The following NDUFAF2 variants were observed in gnomAD, a reference collection of about 807,000 sequenced individuals.
NDUFAF2 encodes the protein NADH:ubiquinone oxidoreductase complex assembly factor 2, also known as NADH dehydrogenase [ubiquinone] 1 alpha subcomplex assembly factor 2.
A neutral mutation model predicts 22.8 loss-of-function variants in NDUFAF2; 13 were observed. That is an observed-to-expected ratio of 0.57 (90% CI 0.37 to 0.91). NDUFAF2 has a LOEUF of 0.91. Among genes scored for constraint, NDUFAF2 ranks in the 40% least tolerant of loss-of-function variants. The pLI, the probability that NDUFAF2 is intolerant of heterozygous loss-of-function variation, is 0.01. For synonymous variants in NDUFAF2, 53 were observed against 64.2 expected (o/e 0.83, Z 0.84); for missense variants, 162 against 195.2 (o/e 0.83, Z 1.01).
chr5:61,061,996 T>C (rs1752170442), intron 1 of NDUFAF2, among the ~76,000 whole-genome samples: 1 of 152,184 alleles, frequency 6.6e-6, no homozygotes, highest in African/African-American at 2.4e-5. Flanking sequence ...TGTGGTGACA[T>C]AGAACCAGAG....
intron 2 of NDUFAF2, among the ~76,000 whole-genome samples, chr5:61,094,339 T>C (rs1752608471): frequency 6.6e-6 from 1 of 152,228 alleles, no homozygotes; most frequent in African/African-American, 2.4e-5. Context: ...TCTATCAGGT[T>C]GGTTACATTC....
At position 61,037,863 on chromosome 5, in the gene NDUFAF2, G is replaced by GGATTTTAGT. The variant is rs569387275; in HGVS notation, c.128-35260_128-35252dup. Among the ~76,000 whole-genome samples, 256 of 151,966 alleles carry GGATTTTAGT rather than the reference G, an allele frequency of 1.7e-3. 2 individuals are homozygous for GGATTTTAGT. The highest frequency in any genetic ancestry group is 6.0e-3 in the African/African-American group (248 of 41,444). On this transcript the variant is annotated intron_variant, in intron 1 of 3. Transcript: ENST00000296597. ...TTTTAGGGTATTATTCTGACAAGAT[G>GGATTTTAGT]GATTTTAGTGCACATGATCATTTAA...
chr5:60,993,209 C>T (rs142692510), intron 1 of NDUFAF2, among the ~76,000 whole-genome samples: 142 of 152,350 alleles, frequency 9.3e-4, no homozygotes, highest in African/African-American at 3.2e-3. Context: ...GCAGCTAGAC[C>T]ACACTGCAGG....
At chr5:60,982,795 A>G (rs1388255110) in intron 1 of NDUFAF2, among the ~76,000 whole-genome samples, 1 of 151,856 alleles carries the variant, frequency 6.6e-6, no homozygotes, top group Admixed American at 6.6e-5. Flanking sequence ...AATCCAGTCT[A>G]TCATTGTTGG....
chr5:61,107,289 G>A (rs1214785664), intron 3 of NDUFAF2, among the ~76,000 whole-genome samples: 1 of 151,292 alleles, frequency 6.6e-6, no homozygotes, highest in East Asian at 1.9e-4. Flanking sequence ...TAACTGGGGT[G>A]ACGTGATATC....
At chr5:60,990,390 T>C (rs978833570) in intron 1 of NDUFAF2, among the ~76,000 whole-genome samples, 1 of 152,176 alleles carries the variant, frequency 6.6e-6, no homozygotes, top group Admixed American at 6.5e-5. Flanking sequence ...TATCAAAATA[T>C]GTACCCCATA....
chr5:61,006,755 T>C (rs1751372018), intron 1 of NDUFAF2, among the ~76,000 whole-genome samples: 1 of 152,090 alleles, frequency 6.6e-6, no homozygotes, highest in South Asian at 2.1e-4. Flanking sequence ...ACCAGGGATG[T>C]GTCTAGAGAA....
Position 61,118,141 on chromosome 5 carries a change from A to G in NDUFAF2, c.258+19109A>G, listed in dbSNP as rs190338581. Among the ~76,000 whole-genome samples the G allele has an allele frequency of 2.0e-5, 3 of 152,186 alleles. No homozygotes were observed. The East Asian group carries it at 5.8e-4, about 29-fold the overall frequency. On this transcript the variant is annotated intron_variant, in intron 3 of 3. Coordinates refer to ENST00000296597, the MANE Select transcript of NDUFAF2 (RefSeq NM_174889.5). ...CTTCTTTCAAAATCATCTGTCTCCC[A>G]CTTTTCAGAAGAAAAGCTTACCCCT...
chr5:61,146,028 A>G (rs1741132817), intron 3 of NDUFAF2: 1 of 152,234 alleles, frequency 6.6e-6, no homozygotes. Flanking sequence ...CAGTGGTATA[A>G]AACATGGAAG....
At chr5:61,036,107 T>A (rs1160496854) in intron 1 of NDUFAF2, among the ~76,000 whole-genome samples, 1 of 152,162 alleles carries the variant, frequency 6.6e-6, no homozygotes, top group East Asian at 1.9e-4. Context: ...AAGGCTCACT[T>A]GGGATGATGT....
intron 1 of NDUFAF2, among the ~76,000 whole-genome samples, chr5:61,046,431 T>G (rs1174238234): frequency 4.6e-5 from 7 of 152,140 alleles, no homozygotes; most frequent in Admixed American, 1.3e-4. Context: ...CCTGAGCTTT[T>G]CTTTGATGGG....
At chr5:61,004,183 CTTAT>C (rs1047243049) in intron 1 of NDUFAF2, among the ~76,000 whole-genome samples, 8 of 152,052 alleles carry the variant, frequency 5.3e-5, no homozygotes, top group African/African-American at 1.7e-4. Flanking sequence ...AGTTTTCTGT[CTTAT>C]TTGTTTTTAT....
chr5:61,077,143 T>C (rs1464448203), intron 2 of NDUFAF2, among the ~76,000 whole-genome samples: 2 of 152,240 alleles, frequency 1.3e-5, no homozygotes, highest in Non-Finnish European at 2.9e-5. Context: ...AGTGGACATA[T>C]CTGTACTGGA....
chr5:60,951,927 A>C (rs1161695860), intron 1 of NDUFAF2, among the ~76,000 whole-genome samples: 1 of 151,460 alleles, frequency 6.6e-6, no homozygotes, highest in African/African-American at 2.4e-5. Flanking sequence ...CAGGCTATCT[A>C]TTTTGTCTTA....
intron 1 of NDUFAF2, among the ~76,000 whole-genome samples, chr5:60,977,728 T>C (rs1413307623): frequency 6.7e-6 from 1 of 150,092 alleles, no homozygotes; most frequent in East Asian, 2.0e-4. Context: ...TCCCAGCTAC[T>C]GGGGAGTCAG....
At position 60,992,584 on chromosome 5, in the gene NDUFAF2, T is replaced by C. The variant is rs183699503; in HGVS notation, c.127+47202T>C. On this transcript the variant is annotated intron_variant, in intron 1 of 3. Transcript: ENST00000296597. ...TTTCTACACCACAGTTACAGTGTTA[T>C]AATATTCTGTGTTTTTCTGTGGACT... Among the ~76,000 whole-genome samples the C allele has an allele frequency of 6.6e-5, 10 of 152,326 alleles. 1 individual carries two copies. Among genetic ancestry groups the C allele is most frequent in the Admixed American group, 6.5e-4 (10 of 15,302 alleles).
intron 1 of NDUFAF2, among the ~76,000 whole-genome samples, chr5:61,023,087 G>A (rs978799586): frequency 7.2e-5 from 11 of 152,168 alleles, no homozygotes; most frequent in African/African-American, 2.2e-4. Context: ...GTCAGCCACT[G>A]TCTTTTCAAA....
chr5:60,956,807 G>A lies in NDUFAF2; in HGVS notation c.127+11425G>A, dbSNP rs537223708. Among the ~76,000 whole-genome samples, 18 of 152,166 alleles carry A rather than the reference G, an allele frequency of 1.2e-4. No individual in the cohort carries two copies. The East Asian group carries it at 1.7e-3, about 15-fold the overall frequency. On this transcript the variant is annotated intron_variant, in intron 1 of 3. Transcript: ENST00000296597. ...TCTGTGTGAGTATATTTAGACACAC[G>A]TATATTTGGATTATCAGTGTGCCAA...
chr5:61,144,615 T>C (rs1437272422), intron 3 of NDUFAF2, among the ~76,000 whole-genome samples: 1 of 152,184 alleles, frequency 6.6e-6, no homozygotes, highest in African/African-American at 2.4e-5. Flanking sequence ...GGTGGATACC[T>C]GAGGTTGAAA....
Sources: gnomAD v4.1 joint callset for allele counts (sites outside exome capture counted in the v4.1 genomes callset) on GRCh38, gnomAD v4.1.1 for gene constraint, MANE v1.5 for transcripts, NCBI Gene and HGNC (gene_info 2026-07-23, HGNC 2026-07-21) for gene names.